The following KIF20B variants were observed in gnomAD, a reference collection of about 807,000 sequenced individuals.
The protein encoded by KIF20B is kinesin family member 20B, also known as kinesin-like protein KIF20B.
In KIF20B, 188 loss-of-function variants were observed where a neutral mutation model predicts 232.5. The observed-to-expected ratio is 0.81, with a 90% CI of 0.72 to 0.91. KIF20B has a LOEUF of 0.91. Ranked by LOEUF, KIF20B falls within the 40% of genes least tolerant of loss-of-function variation. The pLI is 0.00. For synonymous variants in KIF20B, 712 were observed against 683.0 expected (o/e 1.04, Z -0.66); for missense variants, 2,154 against 2,055.9 (o/e 1.05, Z -0.92).
chr10:89,717,950 T>C (rs556692698), intron 11 of KIF20B, among the ~76,000 whole-genome samples: 1 of 152,302 alleles, frequency 6.6e-6, no homozygotes, highest in African/African-American at 2.4e-5. Context: ...CCATGGCAAA[T>C]CTATACCAAT....
intron 24 of KIF20B, 95 bp from the exon 25 acceptor site, chr10:89,752,472 C>G: frequency 1.2e-6 from 1 of 859,802 alleles, no homozygotes; most frequent in Non-Finnish European, 1.7e-6. Flanking sequence ...TATCTGGGCT[C>G]TACTGATTTG....
intron 5 of KIF20B, among the ~76,000 whole-genome samples, chr10:89,710,513 G>A (rs182796050): frequency 5.3e-5 from 8 of 152,314 alleles, no homozygotes; most frequent in Admixed American, 2.6e-4. Context: ...ACAGGCAAGA[G>A]CCACCATGCC....
At chr10:89,719,845 A>ATAG in intron 13 of KIF20B, 139 bp downstream of exon 13, 1 of 645,676 alleles carries the variant, frequency 1.5e-6, no homozygotes, top group Admixed American at 3.1e-5. Flanking sequence ...GAAAAATTTC[A>ATAG]AACCTATAGA....
chr10:89,753,811 G>C (rs1842068214), intron 25 of KIF20B, among the ~76,000 whole-genome samples: 1 of 151,998 alleles, frequency 6.6e-6, no homozygotes, highest in African/African-American at 2.4e-5. Context: ...GTAGAGATGG[G>C]GTTTCACCAT....
intron 18 of KIF20B, among the ~76,000 whole-genome samples, chr10:89,730,211 G>A (rs1843287174): frequency 6.6e-6 from 1 of 151,914 alleles, no homozygotes; most frequent in South Asian, 2.1e-4. Context: ...TCATTCTCTG[G>A]TTTTTCTGTA....
Position 89,738,202 on chromosome 10 carries a change from A to T in KIF20B, c.3361A>T (p.Ile1121Leu), listed in dbSNP as rs931445688. ...CCTACTAAAAGAAAAAGAAACTCTT[A>T]TACAGCAGCTGAAAGAAGAATTGCA... ...DDLLKEKETL[I>L]QQLKEELQEK... The change falls in exon 20 of 33, where the codon ATA becomes TTA. Residue 1121 changes from isoleucine (I) to leucine (L), a missense_variant. Coordinates refer to ENST00000371728, the MANE Select transcript of KIF20B (RefSeq NM_001284259.2). 11 of 1,604,948 alleles carry T rather than the reference A, an allele frequency of 6.9e-6. No homozygotes were observed. Among genetic ancestry groups the T allele is most frequent in the Non-Finnish European group, 9.3e-6 (11 of 1,178,394 alleles).
chr10:89,736,291 G>T (rs1006726033), intron 19 of KIF20B, among the ~76,000 whole-genome samples: 1 of 152,060 alleles, frequency 6.6e-6, no homozygotes, highest in African/African-American at 2.4e-5. Flanking sequence ...AATATAAAAA[G>T]ATATGTAGAT....
Position 89,734,187 on chromosome 10 carries a change from A to G in KIF20B, c.2545+1131A>G, listed in dbSNP as rs577802500. ...CACTTTGGGAGGCCGAGGTGGGTGGATTCCCTGAGGTCAGGAGTTTGAGAC... is the reference window on the plus strand; with the variant it reads ...CACTTTGGGAGGCCGAGGTGGGTGGGTTCCCTGAGGTCAGGAGTTTGAGAC... On this transcript the variant is annotated intron_variant, in intron 19 of 32. Transcript: ENST00000371728. Among the ~76,000 whole-genome samples the G allele has an allele frequency of 1.5e-4, 23 of 152,250 alleles. No individual in the cohort carries two copies. In the East Asian group the frequency reaches 4.4e-3, roughly 29 times the overall value.
intron 23 of KIF20B, among the ~76,000 whole-genome samples, chr10:89,746,554 A>G (rs1326027454): frequency 6.6e-6 from 1 of 152,132 alleles, no homozygotes; most frequent in Admixed American, 6.5e-5. Context: ...TGTGCCTGCC[A>G]GGGTCTCAGG....
intron 26 of KIF20B, among the ~76,000 whole-genome samples, chr10:89,757,022 T>TTGTGTGTTTG (rs1554852903): frequency 8.1e-6 from 1 of 122,836 alleles, no homozygotes; most frequent in African/African-American, 3.3e-5. Context: ...TATATCTCTG[T>TTGTGTGTTTG]TGTGTGTGTG....
At chr10:89,724,711 TCTGCCTTAGCCTCTC>T (rs368390709) in intron 14 of KIF20B, among the ~76,000 whole-genome samples, 368 of 152,180 alleles carry the variant, frequency 2.4e-3, no homozygotes, top group African/African-American at 8.2e-3. Context: ...AAGCAATTCT[TCTGCCTTAGCCTCTC>T]CTGCCTTAGC....
At position 89,774,150 on chromosome 10, in the gene KIF20B, C is replaced by T; in HGVS notation, c.*102C>T. 3.4e-6 allele frequency: 2 copies of T among 583,126 alleles called. No homozygotes were observed. The highest frequency in any genetic ancestry group is 5.7e-6 in the Non-Finnish European group (2 of 350,094). The allele number at this position is 583,126 out of a possible 1,614,324, so 36.1% of individuals were successfully genotyped here. On this transcript the variant is annotated 3_prime_UTR_variant, in exon 33 of 33. Coordinates refer to ENST00000371728, the MANE Select transcript of KIF20B (RefSeq NM_001284259.2). ...TGTATATATTATGCATTAAATCACT[C>T]TGCATATAGATTGCTGTTTTATACA...
intron 13 of KIF20B, among the ~76,000 whole-genome samples, chr10:89,722,954 G>T (rs1169699378): frequency 6.6e-6 from 1 of 151,958 alleles, no homozygotes; most frequent in South Asian, 2.1e-4. Context: ...ATTAATATAG[G>T]TTATCATTGA....
At chr10:89,724,975 T>C (rs759829893) in intron 14 of KIF20B, 45 bp from the exon 15 acceptor site, 9 of 1,570,732 alleles carry the variant, frequency 5.7e-6, no homozygotes, top group Non-Finnish European at 7.8e-6. Context: ...AAACACAAAG[T>C]AGTTCGTTTT....
In KIF20B at chr10:89,737,482, C is replaced by T; in HGVS notation, c.2641C>T (p.Gln881Ter). 1.2e-6 allele frequency: 2 copies of T among 1,608,798 alleles called. No individual in the cohort carries two copies. The highest frequency in any genetic ancestry group is 1.1e-5 in the South Asian group (1 of 89,372). ...AGAAATTGAAGACATCAGAGTTTTA[C>T]AAGAAAATAATGAAGGACTGAGAGC... ...IAEIEDIRVLQENNEGLRAFL... is the reference protein window; with the variant it reads ...IAEIEDIRVL Residue 881 changes from glutamine (Q) to a stop codon, truncating the protein, a stop_gained, in exon 20 of 33, where the codon CAA becomes TAA. Transcript: ENST00000371728. LOFTEE classifies it high-confidence loss of function.
chr10:89,755,789 T>G (rs1207011850), intron 26 of KIF20B, among the ~76,000 whole-genome samples: 1 of 152,104 alleles, frequency 6.6e-6, no homozygotes, highest in African/African-American at 2.4e-5. Context: ...GGACAGAGAC[T>G]TGCTGTGTTG....
intron 6 of KIF20B, among the ~76,000 whole-genome samples, chr10:89,712,087 G>A (rs905563602): frequency 2.0e-5 from 3 of 151,028 alleles, no homozygotes; most frequent in East Asian, 3.9e-4. Flanking sequence ...ATTGTCACAT[G>A]TTCTTTGTCC....
chr10:89,714,130 G>A (rs11185853), intron 7 of KIF20B, 47 bp downstream of exon 7: 285,092 of 1,078,568 alleles, frequency 0.26, 40,872 homozygotes, highest in African/African-American at 0.47. Context: ...ATTATATGAA[G>A]TACACTTGAA....
chr10:89,768,885 A>C lies in KIF20B; in HGVS notation c.5239A>C (p.Lys1747Gln), dbSNP rs146273081. The part of the protein sequence containing the change: ...LQHSPSILQS[K>Q]AKKIIETMSS... The stretch of plus-strand genomic sequence containing the variant: ...ACATTCTCCCTCAATTCTTCAATCA[A>C]AAGGTTTGCAGAAAATTAATTAAAT... The change falls in exon 31 of 33, where the codon AAA (lysine) becomes CAA (glutamine). Residue 1747 changes from lysine (K) to glutamine (Q), a missense_variant. By Grantham distance (53) the Lys-to-Gln change is moderately conservative (BLOSUM62 1). Coordinates refer to ENST00000371728, the MANE Select transcript of KIF20B (RefSeq NM_001284259.2). 1 of 1,583,746 alleles carries C rather than the reference A, an allele frequency of 6.3e-7. No homozygotes were observed. The highest frequency in any genetic ancestry group is 8.5e-7 in the Non-Finnish European group (1 of 1,171,208).
Sources: gnomAD v4.1 joint callset for allele counts (sites outside exome capture counted in the v4.1 genomes callset) on GRCh38, gnomAD v4.1.1 for gene constraint, MANE v1.5 for transcripts, NCBI Gene and HGNC (gene_info 2026-07-23, HGNC 2026-07-21) for gene names.